Variants in MPHOSPH9 observed in about 807,000 individuals in gnomAD.
MPHOSPH9 encodes the protein M-phase phosphoprotein 9.
Under a neutral mutation model 145.5 loss-of-function variants are expected in MPHOSPH9, and 88 were observed. The ratio of observed to expected loss-of-function variants is 0.60; its 90% CI spans 0.51 to 0.72. MPHOSPH9 has a LOEUF of 0.72. Among genes scored for constraint, MPHOSPH9 ranks in the 30% least tolerant of loss-of-function variants. MPHOSPH9 has a pLI of 0.00. For synonymous variants in MPHOSPH9, 435 were observed against 486.2 expected (o/e 0.89, Z 1.39); for missense variants, 1,238 against 1,386.6 (o/e 0.89, Z 1.70).
chr12:123,185,992 C>T (rs2045426060), intron 13 of MPHOSPH9, among the ~76,000 whole-genome samples: 1 of 151,720 alleles, frequency 6.6e-6, no homozygotes, highest in Non-Finnish European at 1.5e-5. Context: ...TTTGGGAGGC[C>T]GAGGCGGGTG....
At chr12:123,238,021 G>A (rs73417343), upstream of MPHOSPH9, among the ~76,000 whole-genome samples, 5,987 of 151,718 alleles carry the variant, frequency 0.039, 382 homozygotes, top group African/African-American at 0.14. Flanking sequence ...GCAGCCTCCC[G>A]AGTAGCCGGG....
chr12:123,199,837 T>C (rs2046141753), intron 11 of MPHOSPH9, among the ~76,000 whole-genome samples: 2 of 151,552 alleles, frequency 1.3e-5, no homozygotes, highest in South Asian at 4.2e-4. Context: ...ATTGATCCCA[T>C]TTTACAGTTG....
exon 1 of MPHOSPH9, chr12:123,243,884 C>G (rs910355815): frequency 6.6e-6 from 1 of 152,172 alleles, no homozygotes; most frequent in Non-Finnish European, 1.5e-5. Flanking sequence ...ATGTCTCCAT[C>G]CTGCTTCCTC....
chr12:123,213,652 T>C (rs536204841), intron 7 of MPHOSPH9, among the ~76,000 whole-genome samples: 19 of 152,160 alleles, frequency 1.2e-4, no homozygotes, highest in East Asian at 1.9e-4. Flanking sequence ...TTTCAACTTA[T>C]GATATTTTCA....
At chr12:123,183,042 C>T (rs574928651) in intron 13 of MPHOSPH9, among the ~76,000 whole-genome samples, 14 of 150,294 alleles carry the variant, frequency 9.3e-5, no homozygotes, top group African/African-American at 1.7e-4. Flanking sequence ...GGTAAAACTC[C>T]GTCTCTACCA....
upstream of MPHOSPH9, among the ~76,000 whole-genome samples, chr12:123,237,919 G>A (rs867975230): frequency 3.4e-5 from 5 of 148,258 alleles, no homozygotes; most frequent in South Asian, 2.1e-4. Flanking sequence ...TTTTTGAGAC[G>A]GAGTCTCACT....
At chr12:123,233,497 G>A (rs2047764714), upstream of MPHOSPH9, 1 of 152,284 alleles carries the variant, frequency 6.6e-6, no homozygotes, top group Non-Finnish European at 1.5e-5. Flanking sequence ...GATATCCCTA[G>A]AACGTTGAGG....
rs1593115345 is a variant in MPHOSPH9, at chr12:123,181,274, C to G, written c.2242-64G>C. 4 of 1,440,800 alleles carry G rather than the reference C, an allele frequency of 2.8e-6. No individual in the cohort carries two copies. The East Asian group carries it at 9.1e-5, about 33-fold the overall frequency. 89.3% of individuals were successfully genotyped at this position (1,440,800 alleles called of 1,614,324 possible). A position where few individuals can be genotyped will look rare whatever the true frequency, so the allele number is the denominator to read the frequency against. ...AAACGTTATTCTATCAACTGAGGTA[C>G]AGTCTACAAAATAACTGCCTATAGC... On this transcript the variant is annotated intron_variant, in intron 13 of 23. Coordinates refer to ENST00000606320, the MANE Select transcript of MPHOSPH9 (RefSeq NM_022782.4).
At chr12:123,160,994 G>C in intron 22 of MPHOSPH9, 142 bp downstream of exon 22, 1 of 1,324,160 alleles carries the variant, frequency 7.6e-7, no homozygotes, top group East Asian at 2.5e-5. Flanking sequence ...CGACCACATG[G>C]CTCAAATCCG....
intron 16 of MPHOSPH9, among the ~76,000 whole-genome samples, chr12:123,173,660 T>C (rs546954319): frequency 5.1e-4 from 77 of 152,222 alleles, no homozygotes; most frequent in African/African-American, 1.7e-3. Flanking sequence ...AGGACAGGGC[T>C]CCAGAGCTTC....
In MPHOSPH9 at chr12:123,217,682, C is replaced by G. The variant is rs1210353140; in HGVS notation, c.996+694G>C. Among the ~76,000 whole-genome samples, 4 of 152,028 alleles carry G rather than the reference C, an allele frequency of 2.6e-5. No homozygotes were observed. In the South Asian group the frequency reaches 6.2e-4, roughly 24 times the overall value. On this transcript the variant is annotated intron_variant, in intron 6 of 23. Coordinates refer to ENST00000606320, the MANE Select transcript of MPHOSPH9 (RefSeq NM_022782.4). ...TTTTATCCTTTATTAGCTTTGATTT[C>G]TAGCCTACTAAAGAAGAAACACTTA...
At chr12:123,223,161 AT>A (rs1565973632) in intron 3 of MPHOSPH9, 34 bp from the exon 4 acceptor site, 1 of 1,235,776 alleles carries the variant, frequency 8.1e-7, no homozygotes, top group Non-Finnish European at 1.0e-6. Context: ...GTTAAAAATA[AT>A]TTTTTGACTT....
intron 11 of MPHOSPH9, among the ~76,000 whole-genome samples, chr12:123,200,702 G>A (rs2046184893): frequency 6.7e-6 from 1 of 149,830 alleles, no homozygotes. Context: ...CCAGGCTGGA[G>A]TGCAGGAGTG....
intron 5 of MPHOSPH9, among the ~76,000 whole-genome samples, chr12:123,221,031 G>T (rs1163115697): frequency 1.3e-5 from 2 of 152,182 alleles, no homozygotes; most frequent in African/African-American, 2.4e-5. Flanking sequence ...CTCCAGCCTG[G>T]GTGACAGAGC....
intron 11 of MPHOSPH9, among the ~76,000 whole-genome samples, 163 bp from the exon 12 acceptor site, chr12:123,198,497 T>C (rs1034156854): frequency 6.6e-6 from 1 of 152,098 alleles, no homozygotes; most frequent in African/African-American, 2.4e-5. Context: ...ATGAATCTAA[T>C]AATATAGTAT....
chr12:123,217,305 CT>C (rs2047011296), intron 6 of MPHOSPH9, among the ~76,000 whole-genome samples: 4 of 151,856 alleles, frequency 2.6e-5, no homozygotes, highest in African/African-American at 9.7e-5. Context: ...TCAAGTGATT[CT>C]CCTGCCTCAG....
intron 14 of MPHOSPH9, among the ~76,000 whole-genome samples, chr12:123,180,268 T>C (rs1386838905): frequency 1.3e-5 from 2 of 152,186 alleles, no homozygotes; most frequent in Non-Finnish European, 2.9e-5. Context: ...TTAAAATAAC[T>C]TGACTAAAAC....
At chr12:123,235,228 A>G (rs1453497692), upstream of MPHOSPH9, among the ~76,000 whole-genome samples, 2 of 152,172 alleles carry the variant, frequency 1.3e-5, no homozygotes, top group African/African-American at 4.8e-5. Context: ...TCTCCATTCT[A>G]CAGATGAGGA....
intron 14 of MPHOSPH9, 52 bp from the exon 15 acceptor site, chr12:123,180,042 A>G: frequency 1.0e-6 from 1 of 998,682 alleles, no homozygotes; most frequent in Non-Finnish European, 1.4e-6. Context: ...ATTCACATGA[A>G]TTATTTTAAA....
Sources: allele counts gnomAD v4.1 joint callset (sites outside exome capture counted in the v4.1 genomes callset), GRCh38; gene constraint gnomAD v4.1.1; transcripts MANE v1.5; gene names NCBI Gene and HGNC (gene_info 2026-07-23, HGNC 2026-07-21).